Variants in SEPTIN2 observed in about 807,000 individuals in gnomAD.
The protein encoded by SEPTIN2 is septin-2.
In SEPTIN2, 34 loss-of-function variants were observed where a neutral mutation model predicts 46.5. The observed-to-expected ratio is 0.73, with a 90% CI of 0.56 to 0.97. SEPTIN2 has a LOEUF of 0.97. Among genes scored for constraint, SEPTIN2 ranks in the 50% least tolerant of loss-of-function variants. The pLI is 0.00. For synonymous variants in SEPTIN2, 175 were observed against 153.4 expected (o/e 1.14, Z -1.04); for missense variants, 347 against 448.4 (o/e 0.77, Z 2.04).
chr2:241,320,170 C>T (rs761313048), intron 1 of SEPTIN2: 52 of 468,396 alleles, frequency 1.1e-4, no homozygotes, highest in Non-Finnish European at 2.2e-4. Flanking sequence ...GTGCTGTCTT[C>T]ATAAAACAAA....
In SEPTIN2 at chr2:241,335,228, T is replaced by G. The variant is rs150734591; in HGVS notation, c.217+16T>G. On this transcript the variant is annotated intron_variant, in intron 4 of 12. Coordinates refer to ENST00000391971, the MANE Select transcript of SEPTIN2 (RefSeq NM_004404.5). Reference sequence around the variant, plus strand: ...GGAGCAGCAGGTAAAAACATTCTTATGTTACTGTAAGTGTAATTCTACATG... The same window carrying G: ...GGAGCAGCAGGTAAAAACATTCTTAGGTTACTGTAAGTGTAATTCTACATG... The G allele has an allele frequency of 1.2e-6, 2 of 1,609,876 alleles. No individual in the cohort carries two copies. The highest frequency in any genetic ancestry group is 2.2e-5 in the South Asian group (2 of 90,614).
Position 241,329,188 on chromosome 2 carries a change from C to G in SEPTIN2, c.130+3075C>G, listed in dbSNP as rs756729622. ...TTGCCCAGGCTGGAGTGCAGTGGCA[C>G]GATCTTGGCTCACTGCAAGCTCCAC... is the stretch of plus-strand genomic sequence containing the variant. On this transcript the variant is annotated intron_variant, in intron 3 of 12. Coordinates refer to ENST00000391971, the MANE Select transcript of SEPTIN2 (RefSeq NM_004404.5). Among the ~76,000 whole-genome samples the G allele has an allele frequency of 6.6e-5, 10 of 151,880 alleles. No homozygotes were observed. The East Asian group carries it at 2.0e-3, about 30-fold the overall frequency.
At chr2:241,341,740 T>C (rs1396172575) in intron 7 of SEPTIN2, among the ~76,000 whole-genome samples, 1 of 152,204 alleles carries the variant, frequency 6.6e-6, no homozygotes, top group Non-Finnish European at 1.5e-5. Context: ...ATTAAGGCTT[T>C]CCATTCTTAA....
intron 5 of SEPTIN2, chr2:241,336,443 A>G (rs2079998667): frequency 4.0e-6 from 1 of 251,604 alleles, no homozygotes; most frequent in African/African-American, 2.2e-5. Flanking sequence ...GTTGAGTCGT[A>G]GTGTCTGTAA....
intron 1 of SEPTIN2, among the ~76,000 whole-genome samples, chr2:241,321,307 A>G (rs2077087128): frequency 6.6e-6 from 1 of 151,824 alleles, no homozygotes; most frequent in Non-Finnish European, 1.5e-5. Context: ...TCCTTGCTTT[A>G]TGTGTTTATC....
intron 2 of SEPTIN2, chr2:241,325,199 AT>A (rs2077749247): frequency 6.6e-6 from 1 of 152,188 alleles, no homozygotes; most frequent in South Asian, 2.1e-4. Context: ...AGGAAATACT[AT>A]TTTGTATCTT....
rs141996970 is a variant in SEPTIN2, at chr2:241,344,008, G to A, written c.842+111G>A. 1.1e-3 allele frequency: 1,458 copies of A among 1,291,838 alleles called. 47 individuals are homozygous for A. In the East Asian group the frequency reaches 0.032, roughly 29 times the overall value. 80.0% of individuals were successfully genotyped at this position (1,291,838 alleles called of 1,614,324 possible). A position where few individuals can be genotyped will look rare whatever the true frequency, so the allele number is the denominator to read the frequency against. ...AGTTGCAGCCAGCAGCTTCATTGCC[G>A]CCCTCAGTGTTTCTCACATCGCAGA... On this transcript the variant is annotated intron_variant, in intron 9 of 12. Coordinates refer to ENST00000391971, the MANE Select transcript of SEPTIN2 (RefSeq NM_004404.5).
chr2:241,344,381 A>C (rs192448291), intron 9 of SEPTIN2, among the ~76,000 whole-genome samples: 2 of 152,128 alleles, frequency 1.3e-5, no homozygotes. Context: ...TACAGACCTG[A>C]CTACAAAAAT....
chr2:241,335,697 T>G (rs1355564896), intron 4 of SEPTIN2: 3 of 566,396 alleles, frequency 5.3e-6, no homozygotes, highest in Non-Finnish European at 9.4e-6. Context: ...TTGAATTCAG[T>G]TTTTAAATGA....
chr2:241,348,146 T>C lies in SEPTIN2; in HGVS notation c.939T>C (p.Asn313=). The C allele has an allele frequency of 6.2e-7, 1 of 1,612,692 alleles. No individual in the cohort carries two copies. The highest frequency in any genetic ancestry group is 8.5e-7 in the Non-Finnish European group (1 of 1,179,302). The change falls in exon 11 of 13, where the codon AAT becomes AAC. Residue 313 remains asparagine, a synonymous_variant. Transcript: ENST00000391971. ...RLKRGGRKVE[N]EDMNKDQILL... ...TTTCGATTCTTAGGAAAGTGGAGAA[T>C]GAGGACATGAATAAAGACCAGATCT...
rs563972153 is a variant in SEPTIN2, at chr2:241,334,564, G to A, written c.131-562G>A. 5.0e-4 allele frequency among the ~76,000 whole-genome samples: 76 copies of A among 152,300 alleles called. 1 individual carries two copies. The highest frequency in any genetic ancestry group is 4.6e-3 in the Admixed American group (71 of 15,306). ...ATGACAGTTGCCAGTGCTGGGAAACGGGGATGGATTTAAAGCAGGAAGAAG... is the reference window on the plus strand; with the variant it reads ...ATGACAGTTGCCAGTGCTGGGAAACAGGGATGGATTTAAAGCAGGAAGAAG... On this transcript the variant is annotated intron_variant, in intron 3 of 12. Coordinates refer to ENST00000391971, the MANE Select transcript of SEPTIN2 (RefSeq NM_004404.5).
At chr2:241,334,399 A>G (rs962841885) in intron 3 of SEPTIN2, among the ~76,000 whole-genome samples, 1 of 152,138 alleles carries the variant, frequency 6.6e-6, no homozygotes, top group Non-Finnish European at 1.5e-5. Context: ...ATCTTTTTTG[A>G]AGTTAAATTT....
chr2:241,335,432 G>A, intron 4 of SEPTIN2: 2 of 1,279,616 alleles, frequency 1.6e-6, no homozygotes, highest in Non-Finnish European at 2.2e-6. Flanking sequence ...CCTCTCTTGA[G>A]TTTGTCTGTA....
At chr2:241,341,233 T>G (rs184967431) in intron 7 of SEPTIN2, among the ~76,000 whole-genome samples, 1 of 152,368 alleles carries the variant, frequency 6.6e-6, no homozygotes, top group East Asian at 1.9e-4. Context: ...GAACCACATT[T>G]ACCCACAGGA....
intron 9 of SEPTIN2, among the ~76,000 whole-genome samples, chr2:241,344,415 A>G (rs1290552972): frequency 6.6e-6 from 1 of 152,118 alleles, no homozygotes; most frequent in East Asian, 1.9e-4. Context: ...AATGAATTTC[A>G]TGGCTGGGCG....
chr2:241,339,032 A>G (rs1349071673), intron 7 of SEPTIN2, among the ~76,000 whole-genome samples: 1 of 118,930 alleles, frequency 8.4e-6, no homozygotes, highest in Non-Finnish European at 1.7e-5. Context: ...ATATTTATAT[A>G]CATATTATAT....
rs2060202213 is a variant in SEPTIN2, at chr2:241,346,032, C to T, written c.843-134C>T. 2.3e-5 allele frequency: 14 copies of T among 607,010 alleles called. No individual in the cohort carries two copies. The South Asian group carries it at 2.8e-4, about 12-fold the overall frequency. 37.6% of individuals were successfully genotyped at this position (607,010 alleles called of 1,614,324 possible). A position where few individuals can be genotyped will look rare whatever the true frequency, so the allele number is the denominator to read the frequency against. On this transcript the variant is annotated intron_variant, in intron 9 of 12. Transcript: ENST00000391971. Reference sequence around the variant, plus strand: ...GGCCATACTCATTATCCTGAAATCCCAGCAGCTTTATGTACAATTTACCAA... The same window carrying T: ...GGCCATACTCATTATCCTGAAATCCTAGCAGCTTTATGTACAATTTACCAA...
At chr2:241,335,422 C>T in intron 4 of SEPTIN2, 1 of 1,361,786 alleles carries the variant, frequency 7.3e-7, no homozygotes, top group Non-Finnish European at 1.0e-6. Context: ...ATGGATCCAT[C>T]CTCTCTTGAG....
Position 241,353,993 on chromosome 2 carries a change from T to A in SEPTIN2, c.*2056T>A, listed in dbSNP as rs2060955793. ...AATTTTGTATCCATTTAAACTAACC[T>A]TTTATCAATAAAGCACTATTGTTTA... On this transcript the variant is annotated 3_prime_UTR_variant, in exon 13 of 13. Transcript: ENST00000391971. 6.6e-6 allele frequency: 1 copy of A among 152,278 alleles called. No homozygotes were observed. The highest frequency in any genetic ancestry group is 1.5e-5 in the Non-Finnish European group (1 of 68,030). 9.4% of individuals were successfully genotyped at this position (152,278 alleles called of 1,614,324 possible).
Sources: gnomAD v4.1 joint callset for allele counts (sites outside exome capture counted in the v4.1 genomes callset) on GRCh38, gnomAD v4.1.1 for gene constraint, MANE v1.5 for transcripts, NCBI Gene and HGNC (gene_info 2026-07-23, HGNC 2026-07-21) for gene names.